The following BAZ2B variants were observed in gnomAD, a reference collection of about 807,000 sequenced individuals.
BAZ2B encodes bromodomain adjacent to zinc finger domain protein 2B.
A neutral mutation model predicts 246.0 loss-of-function variants in BAZ2B; 91 were observed. The observed-to-expected ratio is 0.37, with a 90% CI of 0.31 to 0.44. The LOEUF (loss-of-function observed/expected upper bound fraction) is 0.44, where lower values mean the gene tolerates loss of function less well. Ranked by LOEUF, BAZ2B falls within the 20% of genes least tolerant of loss-of-function variation. The pLI is 1.00. For missense variants in BAZ2B, 2,332 were observed against 2,533.7 expected, an observed-to-expected ratio of 0.92 and a Z score of 1.71; for synonymous variants, 855 against 860.0, an observed-to-expected ratio of 0.99 and a Z score of 0.10.
intron 10 of BAZ2B, among the ~76,000 whole-genome samples, chr2:159,429,710 A>T (rs2070721987): frequency 6.6e-6 from 1 of 152,148 alleles, no homozygotes; most frequent in Non-Finnish European, 1.5e-5. Flanking sequence ...CAAAAACACT[A>T]CCAGGTCTTT....
Position 159,448,323 on chromosome 2 carries a change from C to T in BAZ2B, c.421G>A (p.Ala141Thr). ...PPLLGIPPLF[A>T]PPAQNHDSSS... ...GAATCATGATTCTGGGCTGGGGGAG[C>T]AAATAGTGGTGGAATTCCCAGTAAT... is the stretch of plus-strand genomic sequence containing the variant. Residue 141 changes from alanine to threonine, a missense_variant, in exon 5 of 37, where the codon GCT becomes ACT. By Grantham distance (58) the Ala-to-Thr change is moderately conservative. Around this residue, in one of 9 missense-constraint regions of BAZ2B, gnomAD observed 242 missense variants for 237.4 expected, o/e 1.02. Coordinates refer to ENST00000392783, the MANE Select transcript of BAZ2B (RefSeq NM_013450.4). 6.2e-7 allele frequency: 1 copy of T among 1,613,138 alleles called. No homozygotes were observed.
intron 2 of BAZ2B, among the ~76,000 whole-genome samples, chr2:159,538,949 AC>A (rs1228654274): frequency 3.3e-5 from 5 of 152,222 alleles, no homozygotes; most frequent in African/African-American, 1.2e-4. Context: ...GACAGATACT[AC>A]TTTATTTTCC....
intron 2 of BAZ2B, among the ~76,000 whole-genome samples, chr2:159,554,422 G>A (rs1481847656): frequency 1.3e-5 from 2 of 151,752 alleles, no homozygotes; most frequent in East Asian, 3.8e-4. Flanking sequence ...TTCTAATTAA[G>A]AAAAAATAAA....
At chr2:159,666,423 C>T in the BAZ2B span, among the ~76,000 whole-genome samples, 1 of 152,088 alleles carries the variant, frequency 6.6e-6, no homozygotes, top group South Asian at 2.1e-4. Flanking sequence ...CCATGCCTAG[C>T]TAAATTTTTG....
chr2:159,503,601 T>C (rs1203195790), intron 2 of BAZ2B, among the ~76,000 whole-genome samples: 1 of 152,160 alleles, frequency 6.6e-6, no homozygotes, highest in African/African-American at 2.4e-5. Flanking sequence ...ATTTTTGAGA[T>C]GGAGTTTCAC....
At chr2:159,596,542 A>G (rs1472775452) in intron 1 of BAZ2B, among the ~76,000 whole-genome samples, 1 of 152,002 alleles carries the variant, frequency 6.6e-6, no homozygotes, top group Non-Finnish European at 1.5e-5. Context: ...TCTATCTTTT[A>G]ATTTTTTATT....
At chr2:159,441,122 G>A (rs758714567) in intron 6 of BAZ2B, among the ~76,000 whole-genome samples, 1 of 152,116 alleles carries the variant, frequency 6.6e-6, no homozygotes, top group Non-Finnish European at 1.5e-5. Context: ...GCAAGACCAC[G>A]AAAATCATAA....
chr2:159,333,466 C>T (rs1206517626), intron 33 of BAZ2B, among the ~76,000 whole-genome samples: 1 of 152,024 alleles, frequency 6.6e-6, no homozygotes, highest in Non-Finnish European at 1.5e-5. Flanking sequence ...TACACATATT[C>T]TGTACGGTAA....
intron 13 of BAZ2B, 39 bp from the exon 14 acceptor site, chr2:159,412,584 C>T: frequency 2.6e-6 from 4 of 1,538,186 alleles, no homozygotes; most frequent in Non-Finnish European, 3.5e-6. Context: ...ATATTACAAA[C>T]AAAATAAACA....
At chr2:159,609,230 T>G (rs1694179685) in intron 1 of BAZ2B, among the ~76,000 whole-genome samples, 1 of 152,200 alleles carries the variant, frequency 6.6e-6, no homozygotes, top group Non-Finnish European at 1.5e-5. Flanking sequence ...TGTAAGAGCA[T>G]ACCTGTGCTT....
chr2:159,582,352 A>G (rs1687029122), intron 1 of BAZ2B, among the ~76,000 whole-genome samples: 1 of 152,220 alleles, frequency 6.6e-6, no homozygotes, highest in African/African-American at 2.4e-5. Context: ...CGGTAAGAAT[A>G]TATCGCTTTG....
At chr2:159,601,549 C>T (rs1692152584) in intron 1 of BAZ2B, among the ~76,000 whole-genome samples, 1 of 152,030 alleles carries the variant, frequency 6.6e-6, no homozygotes. Context: ...GCAGAAACCC[C>T]GCCTCTACTA....
chr2:159,368,057 C>T (rs1361370723), intron 27 of BAZ2B, among the ~76,000 whole-genome samples: 2 of 152,150 alleles, frequency 1.3e-5, no homozygotes, highest in Non-Finnish European at 2.9e-5. Context: ...CTTGTATGTT[C>T]TCTTTGTCTT....
At chr2:159,491,695 C>G (rs373868855) in intron 2 of BAZ2B, among the ~76,000 whole-genome samples, 1 of 109,044 alleles carries the variant, frequency 9.2e-6, no homozygotes, top group Non-Finnish European at 1.8e-5. Flanking sequence ...CACTCCAGCC[C>G]GGGCGACAGA....
At chr2:159,374,629 C>T (rs2061223946) in intron 26 of BAZ2B, 62 bp downstream of exon 26, 4 of 1,447,904 alleles carry the variant, frequency 2.8e-6, no homozygotes, top group Non-Finnish European at 3.9e-6. Flanking sequence ...AACTAATCCC[C>T]TTACAATGTA....
intron 2 of BAZ2B, among the ~76,000 whole-genome samples, chr2:159,486,830 T>G (rs2079892990): frequency 6.6e-6 from 1 of 152,064 alleles, no homozygotes; most frequent in Non-Finnish European, 1.5e-5. Flanking sequence ...CTTTACTAGA[T>G]TACTATGCAG....
In BAZ2B at chr2:159,344,030, A is replaced by C. The variant is rs1346618836; in HGVS notation, c.5454+3456T>G. Among the ~76,000 whole-genome samples the C allele has an allele frequency of 3.5e-4, 8 of 22,586 alleles. No homozygotes were observed. The Admixed American group carries it at 6.7e-3, about 19-fold the overall frequency. The allele number at this position is 22,586 out of a possible 152,430, so 14.8% of individuals were successfully genotyped here. A position where few individuals can be genotyped will look rare whatever the true frequency, so the allele number is the denominator to read the frequency against. ...GCGACAGAACAAGACTCCATCTCAAAAAAAAAAAAAAAAAAGAAAAAAAAA... is the reference window on the plus strand; with the variant it reads ...GCGACAGAACAAGACTCCATCTCAACAAAAAAAAAAAAAAAGAAAAAAAAA... On this transcript the variant is annotated intron_variant, in intron 31 of 36. Coordinates refer to ENST00000392783, the MANE Select transcript of BAZ2B (RefSeq NM_013450.4).
the BAZ2B span, among the ~76,000 whole-genome samples, chr2:159,659,114 T>G: frequency 1.3e-5 from 2 of 152,202 alleles, no homozygotes; most frequent in Non-Finnish European, 2.9e-5. Context: ...TGGAAGAGAT[T>G]GTAGAGAATT....
chr2:159,419,835 C>CAAA (rs1303314089), intron 13 of BAZ2B: 1 of 152,188 alleles, frequency 6.6e-6, no homozygotes, highest in Non-Finnish European at 1.5e-5. Flanking sequence ...ACTGATCTTT[C>CAAA]ATGTTCTCAG....
Sources: allele counts gnomAD v4.1 joint callset (sites outside exome capture counted in the v4.1 genomes callset), GRCh38; gene constraint gnomAD v4.1.1; regional missense constraint gnomAD v4.1.1; transcripts MANE v1.5; gene names NCBI Gene and HGNC (gene_info 2026-07-23, HGNC 2026-07-21).